MYZAP: variants seen among roughly 807,000 people sequenced by gnomAD.
The protein encoded by MYZAP is GRINL1A complex locus upstream.
MYZAP carries 66 observed loss-of-function variants against 69.4 expected under a neutral mutation model. The ratio of observed to expected loss-of-function variants is 0.95; its 90% CI spans 0.78 to 1.17. The LOEUF is 1.17. MYZAP is among the 50% of genes most tolerant of loss of function. The pLI, the probability that MYZAP is intolerant of heterozygous loss-of-function variation, is 0.00. For missense variants in MYZAP, 611 were observed against 556.2 expected, an observed-to-expected ratio of 1.10 and a Z score of -0.99; for synonymous variants, 256 against 205.9, an observed-to-expected ratio of 1.24 and a Z score of -2.09.
intron 2 of MYZAP, 93 bp downstream of exon 2, chr15:57,604,448 T>C (rs575630447): frequency 1.4e-6 from 2 of 1,409,060 alleles, no homozygotes; most frequent in Middle Eastern, 1.8e-4. Flanking sequence ...TCCCAGAGGC[T>C]GGGTGTCTGC....
chr15:57,647,088 G>A lies in MYZAP; in HGVS notation c.1119+7543G>A, dbSNP rs74745780. 0.013 allele frequency: 12,427 copies of A among 985,296 alleles called. 460 individuals carry two copies. In the East Asian group the frequency reaches 0.26, roughly 20 times the overall value. 61.0% of individuals were successfully genotyped at this position (985,296 alleles called of 1,614,324 possible). A position where few individuals can be genotyped will look rare whatever the true frequency, so the allele number is the denominator to read the frequency against. On this transcript the variant is annotated intron_variant, in intron 10 of 12. Coordinates refer to ENST00000267853, the MANE Select transcript of MYZAP (RefSeq NM_001018100.5). ...AGAGGCCCAGTGTCCCTCAGACGTT[G>A]GCTAGTTCTCCACTCCTATCACTCC... is the stretch of plus-strand genomic sequence containing the variant.
intron 1 of MYZAP, among the ~76,000 whole-genome samples, chr15:57,593,696 A>T (rs2033872058): frequency 6.6e-6 from 1 of 152,208 alleles, no homozygotes; most frequent in Non-Finnish European, 1.5e-5. Flanking sequence ...AAGATGGCAG[A>T]CGTATTTTGG....
chr15:57,682,015 C>T (rs929713310), intron 12 of MYZAP, among the ~76,000 whole-genome samples: 1 of 152,046 alleles, frequency 6.6e-6, no homozygotes, highest in Non-Finnish European at 1.5e-5. Flanking sequence ...ATTTTGTCAT[C>T]GTGTTGGTTG....
At chr15:57,668,894 A>ATAT (rs1252525814) in intron 11 of MYZAP, among the ~76,000 whole-genome samples, 1,279 of 62,518 alleles carry the variant, frequency 0.02, 29 homozygotes, top group African/African-American at 0.049. Context: ...ATATATATAT[A>ATAT]TTTTTTTTTT....
chr15:57,593,188 GCACACA>G (rs199705290), intron 1 of MYZAP, among the ~76,000 whole-genome samples: 6 of 114,200 alleles, frequency 5.3e-5, no homozygotes, highest in Non-Finnish European at 1.1e-4. Flanking sequence ...GTACACAGGC[GCACACA>G]CACACACACA....
At chr15:57,610,448 C>T (rs545077366) in intron 2 of MYZAP, among the ~76,000 whole-genome samples, 5 of 152,234 alleles carry the variant, frequency 3.3e-5, no homozygotes, top group East Asian at 3.9e-4. Flanking sequence ...AGGTGGGGGC[C>T]GGGCTGCCCT....
chr15:57,605,731 GA>G (rs759148699), intron 2 of MYZAP, among the ~76,000 whole-genome samples: 2 of 152,296 alleles, frequency 1.3e-5, no homozygotes, highest in South Asian at 2.1e-4. Flanking sequence ...AAAAGATCCA[GA>G]AAAACAGCTA....
At chr15:57,610,668 C>T (rs1469976362) in intron 2 of MYZAP, among the ~76,000 whole-genome samples, 4 of 152,158 alleles carry the variant, frequency 2.6e-5, no homozygotes, top group Non-Finnish European at 2.9e-5. Flanking sequence ...CCTTTATTCA[C>T]GTTGATAAAT....
chr15:57,599,353 T>A, intron 1 of MYZAP: 1 of 147,676 alleles, frequency 6.8e-6, no homozygotes, highest in Non-Finnish European at 9.1e-6. Context: ...GAGGCCAGCA[T>A]TTTTTTTTTT....
At chr15:57,645,768 GT>G (rs2140487707) in intron 10 of MYZAP, among the ~76,000 whole-genome samples, 1 of 152,278 alleles carries the variant, frequency 6.6e-6, no homozygotes, top group East Asian at 1.9e-4. Context: ...TGGGAGTCTT[GT>G]TGGCCACATT....
chr15:57,665,123 A>G (rs1266987371), intron 11 of MYZAP, among the ~76,000 whole-genome samples: 12 of 152,330 alleles, frequency 7.9e-5, no homozygotes, highest in African/African-American at 2.9e-4. Context: ...ACTATCATCA[A>G]ACTCAGCTGT....
chr15:57,649,012 T>C (rs1235806164), intron 10 of MYZAP, among the ~76,000 whole-genome samples: 1 of 151,972 alleles, frequency 6.6e-6, no homozygotes, highest in African/African-American at 2.4e-5. Flanking sequence ...ATTTATAATA[T>C]TAAAAATAAA....
chr15:57,592,483 C>T (rs925142309), intron 1 of MYZAP, among the ~76,000 whole-genome samples: 1 of 152,118 alleles, frequency 6.6e-6, no homozygotes, highest in Non-Finnish European at 1.5e-5. Context: ...TTCCTTCTTC[C>T]ATTAATTAAA....
At chr15:57,637,887 A>T (rs2036908244) in intron 9 of MYZAP, 113 bp downstream of exon 9, 3 of 1,103,316 alleles carry the variant, frequency 2.7e-6, no homozygotes, top group Non-Finnish European at 3.9e-6. Flanking sequence ...CTTATTACAG[A>T]CTTAAGCATA....
At chr15:57,616,948 C>T (rs557769189) in intron 2 of MYZAP, among the ~76,000 whole-genome samples, 18 of 139,972 alleles carry the variant, frequency 1.3e-4, no homozygotes, top group South Asian at 4.6e-4. Flanking sequence ...GTGGGATTGT[C>T]GAGGTACCTG....
chr15:57,666,387 CCTT>C (rs1173782748), intron 11 of MYZAP, among the ~76,000 whole-genome samples: 1 of 152,144 alleles, frequency 6.6e-6, no homozygotes, highest in Non-Finnish European at 1.5e-5. Flanking sequence ...ACTCTAGAAC[CCTT>C]CTTCTTTTCT....
At chr15:57,664,140 C>T (rs2038452309) in intron 11 of MYZAP, among the ~76,000 whole-genome samples, 1 of 150,806 alleles carries the variant, frequency 6.6e-6, no homozygotes, top group Admixed American at 6.6e-5. Context: ...GGGCTAACAT[C>T]ATTTTGACAC....
intron 9 of MYZAP, among the ~76,000 whole-genome samples, chr15:57,638,399 A>C (rs1321844487): frequency 1.3e-5 from 2 of 152,202 alleles, no homozygotes; most frequent in African/African-American, 4.8e-5. Flanking sequence ...TATGACGGTG[A>C]TAACAGTGCC....
chr15:57,608,004 TC>T (rs1195778899), intron 2 of MYZAP, among the ~76,000 whole-genome samples: 1 of 152,208 alleles, frequency 6.6e-6, no homozygotes, highest in African/African-American at 2.4e-5. Context: ...TGGATGACCC[TC>T]CCTGGTCACG....
Sources: allele counts gnomAD v4.1 joint callset (sites outside exome capture counted in the v4.1 genomes callset), GRCh38; gene constraint gnomAD v4.1.1; transcripts MANE v1.5; gene names NCBI Gene and HGNC (gene_info 2026-07-23, HGNC 2026-07-21).